The following CAGE1 variants were observed in gnomAD, a reference collection of about 807,000 sequenced individuals.
CAGE1 encodes the protein cancer-associated gene 1 protein.
In CAGE1, 66 loss-of-function variants were observed where a neutral mutation model predicts 94.9. The observed-to-expected ratio is 0.70, with a 90% CI of 0.57 to 0.85. The LOEUF (loss-of-function observed/expected upper bound fraction) is 0.85. CAGE1 is among the 40% of genes least tolerant of loss of function. The pLI, the probability that CAGE1 is intolerant of heterozygous loss-of-function variation, is 0.00. For synonymous variants in CAGE1, 319 were observed against 321.0 expected, an observed-to-expected ratio of 0.99 and a Z score of 0.07; for missense variants, 865 against 950.4, an observed-to-expected ratio of 0.91 and a Z score of 1.18.
Position 7,339,386 on chromosome 6 carries a change from C to T in CAGE1, c.2370-5296G>A. On this transcript the variant is annotated intron_variant, in intron 11 of 13. Transcript: ENST00000502583. This position sits in a 1 kb window ranked among gnomAD's most constrained non-coding sequence, Gnocchi z 4.7. ...TCAGTTCCCGAATCCGCCGGCCCTT[C>T]TCACCAAGAACATTCTGTGTTCTGG... is the stretch of plus-strand genomic sequence containing the variant. 6.2e-7 allele frequency: 1 copy of T among 1,606,586 alleles called. No homozygotes were observed. Among genetic ancestry groups the T allele is most frequent in the Non-Finnish European group, 8.5e-7 (1 of 1,174,110 alleles).
chr6:7,375,875 A>G (rs966340355), intron 4 of CAGE1, among the ~76,000 whole-genome samples: 3 of 152,156 alleles, frequency 2.0e-5, no homozygotes, highest in Non-Finnish European at 4.4e-5. Flanking sequence ...GTTCTGGGAT[A>G]AAGATAACTA....
At chr6:7,345,177 C>T (rs979997088) in intron 11 of CAGE1, among the ~76,000 whole-genome samples, 3 of 139,414 alleles carry the variant, frequency 2.2e-5, no homozygotes, top group African/African-American at 8.7e-5. Context: ...AGCTATGACA[C>T]TCCTTGTGAA....
Position 7,362,936 on chromosome 6 carries a change from T to A in CAGE1, c.2193+2532A>T, listed in dbSNP as rs1760209185. Among the ~76,000 whole-genome samples the A allele has an allele frequency of 6.6e-6, 1 of 152,100 alleles. No individual in the cohort carries two copies. The highest frequency in any genetic ancestry group is 6.6e-5 in the Admixed American group (1 of 15,264). ...GAGTACTTTAAAGCAAACCTTGCCA[T>A]CATATTAATTCACTCATAAATACTT... On this transcript the variant is annotated intron_variant, in intron 9 of 13. Transcript: ENST00000502583. This position sits in a 1 kb window ranked among gnomAD's most constrained non-coding sequence, Gnocchi z 4.1.
intron 13 of CAGE1, among the ~76,000 whole-genome samples, chr6:7,328,077 C>G (rs1481598129): frequency 6.6e-6 from 1 of 152,110 alleles, no homozygotes; most frequent in African/African-American, 2.4e-5. Context: ...AGCTATGTTA[C>G]AAATAGGCCA....
At chr6:7,360,664 C>T (rs962021107) in intron 9 of CAGE1, among the ~76,000 whole-genome samples, 1 of 152,148 alleles carries the variant, frequency 6.6e-6, no homozygotes, top group Non-Finnish European at 1.5e-5. Flanking sequence ...ATAAACCTGG[C>T]TGGGAGAGAT....
At chr6:7,384,565 G>C (rs1156318758) in intron 3 of CAGE1, among the ~76,000 whole-genome samples, 3 of 152,096 alleles carry the variant, frequency 2.0e-5, no homozygotes, top group African/African-American at 7.2e-5. Flanking sequence ...CCAGGAATTT[G>C]AGACCAGCCT....
At chr6:7,384,329 G>A (rs570515989) in intron 3 of CAGE1, among the ~76,000 whole-genome samples, 14 of 152,182 alleles carry the variant, frequency 9.2e-5, no homozygotes, top group South Asian at 8.3e-4. Flanking sequence ...CGCCTGCCTC[G>A]GCAGCGCTTA....
intron 3 of CAGE1, among the ~76,000 whole-genome samples, chr6:7,384,483 A>G (rs1171995036): frequency 6.6e-6 from 1 of 152,132 alleles, no homozygotes; most frequent in Non-Finnish European, 1.5e-5. Flanking sequence ...TGATCAGTGT[A>G]GGGCCCGGTG....
intron 4 of CAGE1, among the ~76,000 whole-genome samples, chr6:7,376,426 AAATAAAT>A (rs1760746825): frequency 5.4e-5 from 8 of 149,090 alleles, no homozygotes; most frequent in Non-Finnish European, 1.2e-4. Context: ...ATAAATAAAT[AAATAAAT>A]AAAATAAAAG....
At chr6:7,384,895 G>A (rs990435621) in intron 3 of CAGE1, among the ~76,000 whole-genome samples, 3 of 151,572 alleles carry the variant, frequency 2.0e-5, no homozygotes, top group Non-Finnish European at 4.4e-5. Context: ...ACGGGGTTTC[G>A]TCCTATTGCC....
intron 11 of CAGE1, among the ~76,000 whole-genome samples, chr6:7,346,503 TGC>T (rs1759545131): frequency 6.6e-6 from 1 of 151,944 alleles, no homozygotes; most frequent in Non-Finnish European, 1.5e-5. Flanking sequence ...GAGCCAAGAC[TGC>T]GCCACTGCAC....
intron 12 of CAGE1, among the ~76,000 whole-genome samples, chr6:7,331,851 A>G (rs765146105): frequency 2.8e-4 from 43 of 152,220 alleles, no homozygotes; most frequent in Non-Finnish European, 4.9e-4. Flanking sequence ...CTGAACAAAC[A>G]TGACTTATGA....
In CAGE1 at chr6:7,355,096, C is replaced by T; in HGVS notation, c.2314G>A (p.Glu772Lys). 6.2e-7 allele frequency: 1 copy of T among 1,605,528 alleles called. No individual in the cohort carries two copies. Among genetic ancestry groups the T allele is most frequent in the Non-Finnish European group, 8.5e-7 (1 of 1,174,932 alleles). Reference sequence around the variant, plus strand: ...CTTTGGTCAGCACATTCAATGATTTCTTCATATGATGTAACCTTGAAAAAA... The same window carrying T: ...CTTTGGTCAGCACATTCAATGATTTTTTCATATGATGTAACCTTGAAAAAA... ...NLIKKVTSYE[E>K]IIECADQRLA... Residue 772 changes from glutamate to lysine, a missense_variant, in exon 11 of 14, where the codon GAA becomes AAA. Coordinates refer to ENST00000502583, the MANE Select transcript of CAGE1 (RefSeq NM_001170692.2).
In CAGE1 at chr6:7,373,471, C is replaced by T. The variant is rs928189796; in HGVS notation, c.1348G>A (p.Glu450Lys). Residue 450 changes from glutamate (E) to lysine (K), a missense_variant, in exon 5 of 14, where the codon GAA becomes AAA. Glu to Lys is a moderately conservative substitution (Grantham distance 56, BLOSUM62 1). Transcript: ENST00000502583. ...AGTTGTTGTAGTCTCTCTACCTCTTCTTCTTTCTTGCTTAAGGTTTTGTCC... is the reference window on the plus strand; with the variant it reads ...AGTTGTTGTAGTCTCTCTACCTCTTTTTCTTTCTTGCTTAAGGTTTTGTCC... ...EMDKTLSKKE[E>K]EVERLQQLKK... is the part of the protein sequence containing the mutation. 1.2e-6 allele frequency: 2 copies of T among 1,613,882 alleles called. No homozygotes were observed. Among genetic ancestry groups the T allele is most frequent in the South Asian group, 1.1e-5 (1 of 91,074 alleles).
intron 11 of CAGE1, among the ~76,000 whole-genome samples, chr6:7,335,813 G>A (rs1758935415): frequency 6.6e-6 from 1 of 152,196 alleles, no homozygotes; most frequent in South Asian, 2.1e-4. Context: ...CTGGCCTCAA[G>A]CTATCTTCCC....
In CAGE1 at chr6:7,380,457, T is replaced by C. The variant is rs141896954; in HGVS notation, c.284-1437A>G. 1.4e-3 allele frequency among the ~76,000 whole-genome samples: 209 copies of C among 152,118 alleles called. 1 individual carries two copies. The highest frequency in any genetic ancestry group is 4.8e-3 in the African/African-American group (198 of 41,496). On this transcript the variant is annotated intron_variant, in intron 3 of 13. Coordinates refer to ENST00000502583, the MANE Select transcript of CAGE1 (RefSeq NM_001170692.2). Reference sequence around the variant, plus strand: ...TTCGAGACCAGCCTGGTCAACATGGTGAAACCCCGTATCTACTAAAAATAC... The same window carrying C: ...TTCGAGACCAGCCTGGTCAACATGGCGAAACCCCGTATCTACTAAAAATAC...
rs1346951222 is a variant in CAGE1 at position 7,356,027 on chromosome 6, T to A, written c.2296A>T (p.Lys766Ter). The A allele has an allele frequency of 2.0e-6, 3 of 1,513,408 alleles. No homozygotes were observed. Among genetic ancestry groups the A allele is most frequent in the African/African-American group, 2.8e-5 (2 of 72,324 alleles). 93.7% of individuals were successfully genotyped at this position (1,513,408 alleles called of 1,614,324 possible). ...YQRHLGNLIKKVTSYEEIIEC... is the reference protein window; with the variant it reads ...YQRHLGNLIK ...ACAAAAGAAAAAAAAATGTCTACCT[T>A]CTTTATTAAGTTGCCTAAATGTCTT... Residue 766 changes from lysine to a stop codon, truncating the protein, a stop_gained and splice_region_variant, in exon 10 of 14, where the codon AAG becomes TAG. Transcript: ENST00000502583. LOFTEE classifies it high-confidence loss of function.
intron 9 of CAGE1, among the ~76,000 whole-genome samples, chr6:7,359,771 C>T (rs553354573): frequency 6.6e-6 from 1 of 152,294 alleles, no homozygotes; most frequent in East Asian, 1.9e-4. Flanking sequence ...AATATATTAA[C>T]TTGCTTCAAT....
At chr6:7,368,413 C>G (rs1760425197) in intron 7 of CAGE1, among the ~76,000 whole-genome samples, 1 of 151,996 alleles carries the variant, frequency 6.6e-6, no homozygotes, top group Non-Finnish European at 1.5e-5. Context: ...TCAAAATAAA[C>G]AACCCTTCAG....
Sources: allele counts gnomAD v4.1 joint callset (sites outside exome capture counted in the v4.1 genomes callset), GRCh38; gene constraint gnomAD v4.1.1; non-coding constraint Gnocchi (gnomAD v3.1); transcripts MANE v1.5; gene names NCBI Gene and HGNC (gene_info 2026-07-23, HGNC 2026-07-21).